The following CELF4 variants were observed in gnomAD, a reference collection of about 807,000 sequenced individuals.
CELF4 encodes the protein CUGBP Elav-like family member 4, also known as CUG-BP- and ETR-3-like factor 4.
Under a neutral mutation model 59.9 loss-of-function variants are expected in CELF4, and 18 were observed. That is an observed-to-expected ratio of 0.30 (90% CI 0.21 to 0.45). CELF4 has a LOEUF of 0.45. Ranked by LOEUF, CELF4 falls within the 20% of genes least tolerant of loss-of-function variation. The probability of loss-of-function intolerance (pLI) is 1.00; values close to 1 mark genes in which losing one functional copy is unlikely to be tolerated. For missense variants in CELF4, 456 were observed against 689.0 expected, an observed-to-expected ratio of 0.66 and a Z score of 3.79; for synonymous variants, 261 against 267.1, an observed-to-expected ratio of 0.98 and a Z score of 0.22.
At chr18:37,463,036 C>G (rs912695794) in intron 2 of CELF4, among the ~76,000 whole-genome samples, 4 of 152,142 alleles carry the variant, frequency 2.6e-5, no homozygotes, top group African/African-American at 9.7e-5. Flanking sequence ...AGACACAGCT[C>G]TTGTCCTCAG....
chr18:37,303,605 A>G (rs567359072), intron 3 of CELF4, among the ~76,000 whole-genome samples: 71 of 152,246 alleles, frequency 4.7e-4, no homozygotes, highest in African/African-American at 1.7e-3. Flanking sequence ...GGAGAAAAAA[A>G]GGGAGGCAAC....
At chr18:37,403,227 C>T (rs1194296641) in intron 2 of CELF4, among the ~76,000 whole-genome samples, 1 of 152,082 alleles carries the variant, frequency 6.6e-6, no homozygotes, top group Non-Finnish European at 1.5e-5. Flanking sequence ...CGGGACAGCA[C>T]ATAATTCGGG....
chr18:37,475,490 C>G (rs148862896), intron 2 of CELF4, among the ~76,000 whole-genome samples: 1 of 152,152 alleles, frequency 6.6e-6, no homozygotes, highest in African/African-American at 2.4e-5. Flanking sequence ...CAGGCAAGGG[C>G]GAGATCAGTG....
At chr18:37,270,670 G>C in intron 8 of CELF4, 98 bp downstream of exon 8, 1 of 1,425,010 alleles carries the variant, frequency 7.0e-7, no homozygotes, top group Non-Finnish European at 9.8e-7. Flanking sequence ...GGAATGGACA[G>C]AGGGCAGGAG....
chr18:37,546,537 G>T (rs1431256944), intron 1 of CELF4, among the ~76,000 whole-genome samples: 1 of 152,182 alleles, frequency 6.6e-6, no homozygotes, highest in Non-Finnish European at 1.5e-5. Flanking sequence ...AGCTGGGAGG[G>T]AAAGGGTCGG....
At chr18:37,391,299 C>T (rs1444131127) in intron 2 of CELF4, among the ~76,000 whole-genome samples, 3 of 152,222 alleles carry the variant, frequency 2.0e-5, no homozygotes, top group African/African-American at 4.8e-5. Context: ...ACACATGCCC[C>T]GGCAAAGCTG....
rs781145626 is a variant in CELF4 at position 37,274,853 on chromosome 18, G to A, written c.609C>T (p.Ala203=). The change falls in exon 5 of 13, where the codon GCC becomes GCT. Residue 203 remains alanine, a synonymous_variant. Coordinates refer to ENST00000420428, the MANE Select transcript of CELF4 (RefSeq NM_020180.4). ...GCGCGTTGATGGCGGCCTGCGCCTC[G>A]GCGTGGGAGGAGTACTTCACAAAGG... is the stretch of plus-strand genomic sequence containing the variant. ...GCAFVKYSSH[A]EAQAAINALH... The A allele has an allele frequency of 4.4e-6, 7 of 1,607,994 alleles. No individual in the cohort carries two copies. The highest frequency in any genetic ancestry group is 5.9e-6 in the Non-Finnish European group (7 of 1,178,200).
intron 3 of CELF4, among the ~76,000 whole-genome samples, chr18:37,319,968 AG>A (rs1481867968): frequency 6.6e-6 from 1 of 152,190 alleles, no homozygotes; most frequent in African/African-American, 2.4e-5. Flanking sequence ...TGGACACCCC[AG>A]CCCTGGCGGG....
Position 37,243,306 on chromosome 18 carries a change from C to G in CELF4, c.*1936G>C, listed in dbSNP as rs2060923074. ...AGAAAGAAAGGAAAGGCAGGAGGCCCTAGAGGAACTGGAAATTTGTTCTTC... is the reference window on the plus strand; with the variant it reads ...AGAAAGAAAGGAAAGGCAGGAGGCCGTAGAGGAACTGGAAATTTGTTCTTC... On this transcript the variant is annotated 3_prime_UTR_variant, in exon 13 of 13. Transcript: ENST00000420428. 1 of 151,306 alleles carries G rather than the reference C, an allele frequency of 6.6e-6. No homozygotes were observed. Among genetic ancestry groups the G allele is most frequent in the Non-Finnish European group, 1.5e-5 (1 of 67,938 alleles). 9.4% of individuals were successfully genotyped at this position (151,306 alleles called of 1,614,324 possible). A position where few individuals can be genotyped will look rare whatever the true frequency, so the allele number is the denominator to read the frequency against.
chr18:37,488,176 A>G lies in CELF4; in HGVS notation c.287-2569T>C, dbSNP rs572275069. Among the ~76,000 whole-genome samples, 36 of 152,262 alleles carry G rather than the reference A, an allele frequency of 2.4e-4. No individual in the cohort carries two copies. In the East Asian group the frequency reaches 6.8e-3, roughly 29 times the overall value. ...GTTTCTGCTCAAATGAGACCTCCTCAGAGACACTTCCCTTGACCACCCCAT... is the reference window on the plus strand; with the variant it reads ...GTTTCTGCTCAAATGAGACCTCCTCGGAGACACTTCCCTTGACCACCCCAT... On this transcript the variant is annotated intron_variant, in intron 1 of 12. Coordinates refer to ENST00000420428, the MANE Select transcript of CELF4 (RefSeq NM_020180.4).
intron 2 of CELF4, among the ~76,000 whole-genome samples, chr18:37,352,798 G>C (rs765747306): frequency 2.0e-5 from 3 of 152,094 alleles, no homozygotes; most frequent in Non-Finnish European, 4.4e-5. Flanking sequence ...CTCCCAGGTA[G>C]AGATGCCAGG....
intron 1 of CELF4, among the ~76,000 whole-genome samples, chr18:37,547,629 T>C (rs1175333139): frequency 6.6e-6 from 1 of 152,174 alleles, no homozygotes; most frequent in Non-Finnish European, 1.5e-5. Context: ...TCTCAGCAAA[T>C]GCCTTCTGTT....
At chr18:37,469,187 T>TA (rs2099815556) in intron 2 of CELF4, among the ~76,000 whole-genome samples, 1 of 152,122 alleles carries the variant, frequency 6.6e-6, no homozygotes, top group African/African-American at 2.4e-5. Context: ...TGGGGCCAAC[T>TA]AAAATCTAAT....
At chr18:37,406,140 A>AT (rs954629062) in intron 2 of CELF4, among the ~76,000 whole-genome samples, 1 of 150,926 alleles carries the variant, frequency 6.6e-6, no homozygotes, top group Non-Finnish European at 1.5e-5. Context: ...CTCCATTTTT[A>AT]TTTTTTTTTA....
At chr18:37,337,719 G>C (rs551803773) in intron 2 of CELF4, among the ~76,000 whole-genome samples, 14 of 152,324 alleles carry the variant, frequency 9.2e-5, no homozygotes, top group Admixed American at 8.5e-4. Flanking sequence ...CATGGTGCGA[G>C]ATTTGCCACT....
At chr18:37,328,455 G>A (rs2097407727) in intron 2 of CELF4, among the ~76,000 whole-genome samples, 1 of 152,170 alleles carries the variant, frequency 6.6e-6, no homozygotes, top group Non-Finnish European at 1.5e-5. Flanking sequence ...GTTCCTTTTG[G>A]GACGTGTTGG....
intron 3 of CELF4, chr18:37,305,554 C>G (rs1246978182): frequency 6.6e-6 from 1 of 152,478 alleles, no homozygotes; most frequent in African/African-American, 2.4e-5. Flanking sequence ...AATGCTGACT[C>G]CTACACAAAG....
At chr18:37,467,608 A>G (rs1388132863) in intron 2 of CELF4, among the ~76,000 whole-genome samples, 1 of 152,200 alleles carries the variant, frequency 6.6e-6, no homozygotes, top group African/African-American at 2.4e-5. Flanking sequence ...AGGAGAGAGC[A>G]AGGGAAGGAG....
chr18:37,448,277 G>T (rs1366831603), intron 2 of CELF4, among the ~76,000 whole-genome samples: 1 of 152,184 alleles, frequency 6.6e-6, no homozygotes, highest in African/African-American at 2.4e-5. Context: ...CTCCAGGAAT[G>T]AGTTCTCTGA....
Sources: allele counts gnomAD v4.1 joint callset (sites outside exome capture counted in the v4.1 genomes callset), GRCh38; gene constraint gnomAD v4.1.1; transcripts MANE v1.5; gene names NCBI Gene and HGNC (gene_info 2026-07-23, HGNC 2026-07-21).